The following TLN2 variants were observed in gnomAD, a reference collection of about 807,000 sequenced individuals.
The protein encoded by TLN2 is talin-2.
Under a neutral mutation model 294.7 loss-of-function variants are expected in TLN2, and 118 were observed. That is an observed-to-expected ratio of 0.40 (90% CI 0.34 to 0.47). The LOEUF (loss-of-function observed/expected upper bound fraction) is 0.47. TLN2 is among the 20% of genes least tolerant of loss of function. TLN2 has a pLI of 0.84. For synonymous variants in TLN2, 1,431 were observed against 1,304.5 expected (o/e 1.10, Z -2.09); for missense variants, 3,083 against 3,282.2 (o/e 0.94, Z 1.48).
chr15:62,483,116 A>G (rs1458848138), intron 1 of TLN2, among the ~76,000 whole-genome samples: 2 of 152,100 alleles, frequency 1.3e-5, no homozygotes, highest in Non-Finnish European at 2.9e-5. Context: ...TGCTGTGGTC[A>G]TCCTGGTCTG....
chr15:62,668,950 A>G (rs181940548), intron 9 of TLN2, among the ~76,000 whole-genome samples: 7 of 152,354 alleles, frequency 4.6e-5, no homozygotes, highest in Admixed American at 4.6e-4. Context: ...GAAACCCATT[A>G]TTCTAACTTT....
chr15:62,405,127 C>T (rs1416109553), intron 1 of TLN2, among the ~76,000 whole-genome samples: 1 of 152,150 alleles, frequency 6.6e-6, no homozygotes, highest in East Asian at 1.9e-4. Flanking sequence ...GCACCAGAAC[C>T]CTGCTTCCTC....
chr15:62,579,188 C>T (rs765730647), intron 1 of TLN2, among the ~76,000 whole-genome samples: 9 of 151,780 alleles, frequency 5.9e-5, no homozygotes, highest in Admixed American at 1.3e-4. Context: ...GGTGCCATAG[C>T]GAATATGCAA....
intron 1 of TLN2, among the ~76,000 whole-genome samples, chr15:62,498,565 T>G (rs755364355): frequency 3.3e-5 from 5 of 152,162 alleles, no homozygotes; most frequent in Non-Finnish European, 5.9e-5. Context: ...CCAAGGGATA[T>G]TTTAAAATAA....
chr15:62,612,530 C>T (rs2047998808), intron 2 of TLN2, among the ~76,000 whole-genome samples: 1 of 152,168 alleles, frequency 6.6e-6, no homozygotes, highest in Non-Finnish European at 1.5e-5. Context: ...ACCTGGTTAT[C>T]TTGTAGCCCT....
chr15:62,684,092 C>T (rs984354626), intron 11 of TLN2: 5 of 152,310 alleles, frequency 3.3e-5, no homozygotes, highest in Admixed American at 6.5e-5. Context: ...AGCCCCTTTT[C>T]CTCAGTTGTG....
chr15:62,667,241 C>T (rs904273228), intron 9 of TLN2, among the ~76,000 whole-genome samples: 1 of 152,206 alleles, frequency 6.6e-6, no homozygotes, highest in Non-Finnish European at 1.5e-5. Context: ...GCTGGGATTA[C>T]AGGCGTGAGC....
chr15:62,812,291 A>C (rs2066751690), intron 52 of TLN2, among the ~76,000 whole-genome samples: 1 of 152,130 alleles, frequency 6.6e-6, no homozygotes, highest in Non-Finnish European at 1.5e-5. Flanking sequence ...TTCTTAGTTG[A>C]ACCGTATTTT....
intron 2 of TLN2, among the ~76,000 whole-genome samples, chr15:62,602,243 G>T (rs2047064979): frequency 6.6e-6 from 1 of 152,082 alleles, no homozygotes; most frequent in South Asian, 2.1e-4. Flanking sequence ...TATATACTCT[G>T]TTCTTTCATC....
chr15:62,543,981 A>G (rs2041848948), intron 1 of TLN2, among the ~76,000 whole-genome samples: 1 of 152,118 alleles, frequency 6.6e-6, no homozygotes, highest in Non-Finnish European at 1.5e-5. Flanking sequence ...CGTGGAGGGT[A>G]GTAGGGCCCA....
intron 9 of TLN2, 28 bp downstream of exon 9, chr15:62,657,926 C>G: frequency 6.3e-7 from 1 of 1,597,868 alleles, no homozygotes; most frequent in South Asian, 1.1e-5. Flanking sequence ...TCTCTTTTTT[C>G]TCTTTTCTCC....
At position 62,453,067 on chromosome 15, in the gene TLN2, T is replaced by TATC. The variant is rs573300973; in HGVS notation, c.-238+62383_-238+62385dup. Among the ~76,000 whole-genome samples the TATC allele has an allele frequency of 2.6e-4, 40 of 152,312 alleles. No homozygotes were observed. The East Asian group carries it at 6.0e-3, about 23-fold the overall frequency. On this transcript the variant is annotated intron_variant, in intron 1 of 58. Coordinates refer to ENST00000636159, the MANE Select transcript of TLN2 (RefSeq NM_015059.3). ...ATGGGAAATACTTATACTGCAGAAT[T>TATC]ATCTGTGGTTTACCTGAAATTCAAG...
Position 62,773,278 on chromosome 15 carries a change from A to G in TLN2, c.5367+2144A>G, listed in dbSNP as rs1002746441. 1.3e-4 allele frequency among the ~76,000 whole-genome samples: 10 copies of G among 78,058 alleles called. No individual in the cohort carries two copies. In the Admixed American group the frequency reaches 1.4e-3, roughly 11 times the overall value. The allele number at this position is 78,058 out of a possible 152,430, so 51.2% of individuals were successfully genotyped here. On this transcript the variant is annotated intron_variant, in intron 42 of 58. Coordinates refer to ENST00000636159, the MANE Select transcript of TLN2 (RefSeq NM_015059.3). ...GACTTAGTTTCCTGTGTTCCCAGCC[A>G]TAGAGCACACACAGTCAGCACTGTA...
chr15:62,798,545 A>G (rs1238038065), intron 48 of TLN2, among the ~76,000 whole-genome samples: 1 of 151,804 alleles, frequency 6.6e-6, no homozygotes, highest in African/African-American at 2.4e-5. Context: ...TTTAAAAAAC[A>G]AAAACAAAAC....
At chr15:62,501,312 A>T (rs975695720) in intron 1 of TLN2, among the ~76,000 whole-genome samples, 1 of 152,254 alleles carries the variant, frequency 6.6e-6, no homozygotes, top group African/African-American at 2.4e-5. Context: ...AGCAGGCCAC[A>T]TGTGTCTCTC....
intron 45 of TLN2, among the ~76,000 whole-genome samples, chr15:62,787,135 A>G (rs1280166731): frequency 6.6e-6 from 1 of 152,140 alleles, no homozygotes; most frequent in Non-Finnish European, 1.5e-5. Context: ...GACTCAAGCC[A>G]TCCACCTGCC....
chr15:62,755,196 TA>T (rs1381205195), intron 36 of TLN2: 2 of 194,102 alleles, frequency 1.0e-5, no homozygotes, highest in Admixed American at 1.2e-4. Flanking sequence ...TAAAATTGGG[TA>T]TGTGTAGACC....
rs190283381 is a variant in TLN2 at position 62,443,030 on chromosome 15, C to T, written c.-238+52345C>T. The stretch of plus-strand genomic sequence containing the variant: ...CTGTCTTCTGACTTTGGTCCTCCTA[C>T]CTCCCCTCTTTTCAGGACCTTTGTG... On this transcript the variant is annotated intron_variant, in intron 1 of 58. Transcript: ENST00000636159. Among the ~76,000 whole-genome samples the T allele has an allele frequency of 3.0e-3, 461 of 152,290 alleles. 6 individuals are homozygous for T. The South Asian group carries it at 0.039, about 13-fold the overall frequency.
At chr15:62,518,423 C>T (rs137975951) in intron 1 of TLN2, among the ~76,000 whole-genome samples, 1 of 152,270 alleles carries the variant, frequency 6.6e-6, no homozygotes, top group African/African-American at 2.4e-5. Context: ...GACAAATAGA[C>T]ATGGGTTCAG....
Sources: gnomAD v4.1 joint callset for allele counts (sites outside exome capture counted in the v4.1 genomes callset) on GRCh38, gnomAD v4.1.1 for gene constraint, MANE v1.5 for transcripts, NCBI Gene and HGNC (gene_info 2026-07-23, HGNC 2026-07-21) for gene names.